The following KCND2 variants were observed in gnomAD, a reference collection of about 807,000 sequenced individuals.
KCND2 encodes the protein potassium voltage-gated channel subfamily D member 2.
In KCND2, 16 loss-of-function variants were observed where a neutral mutation model predicts 54.4. The observed-to-expected ratio is 0.29, with a 90% CI of 0.20 to 0.45. The LOEUF is 0.45. Ranked by LOEUF, KCND2 falls within the 20% of genes least tolerant of loss-of-function variation. The pLI is 1.00. For missense variants in KCND2, 486 were observed against 824.2 expected (o/e 0.59, Z 5.02); for synonymous variants, 317 against 310.7 (o/e 1.02, Z -0.21).
chr7:120,682,176 A>G (rs1354526412), intron 1 of KCND2, among the ~76,000 whole-genome samples: 2 of 152,036 alleles, frequency 1.3e-5, no homozygotes, highest in Non-Finnish European at 2.9e-5. Flanking sequence ...AAGTTAAGGA[A>G]CATAAATATA....
chr7:120,438,526 G>T (rs1305107411), intron 1 of KCND2, among the ~76,000 whole-genome samples: 1 of 152,150 alleles, frequency 6.6e-6, no homozygotes, highest in Non-Finnish European at 1.5e-5. Context: ...ATATGGGATG[G>T]ATAGATAGAT....
intron 2 of KCND2, among the ~76,000 whole-genome samples, chr7:120,738,013 A>G (rs1352077726): frequency 6.6e-6 from 1 of 151,978 alleles, no homozygotes; most frequent in Non-Finnish European, 1.5e-5. Context: ...TCCTTCTCAG[A>G]TTGACTTCCA....
intron 1 of KCND2, among the ~76,000 whole-genome samples, chr7:120,628,742 G>A (rs1793192003): frequency 6.6e-6 from 1 of 152,084 alleles, no homozygotes; most frequent in Non-Finnish European, 1.5e-5. Flanking sequence ...AAGCCCAAGT[G>A]CCCAGTTCCA....
intron 1 of KCND2, among the ~76,000 whole-genome samples, chr7:120,355,134 A>G (rs963340297): frequency 1.3e-5 from 2 of 152,182 alleles, no homozygotes; most frequent in Non-Finnish European, 2.9e-5. Flanking sequence ...CCTCTCCATA[A>G]CCCCATTTTA....
At chr7:120,500,646 TAAC>T (rs1320767832) in intron 1 of KCND2, among the ~76,000 whole-genome samples, 1 of 151,888 alleles carries the variant, frequency 6.6e-6, no homozygotes, top group East Asian at 1.9e-4. Context: ...TAAGCAACAA[TAAC>T]AACAGCAAAA....
chr7:120,733,328 C>A (rs185756756), intron 2 of KCND2, among the ~76,000 whole-genome samples: 1 of 152,164 alleles, frequency 6.6e-6, no homozygotes, highest in African/African-American at 2.4e-5. Context: ...GCAGTCACTC[C>A]AGCAGGAGTA....
intron 1 of KCND2, among the ~76,000 whole-genome samples, chr7:120,708,603 C>T (rs1307259910): frequency 6.6e-6 from 1 of 152,038 alleles, no homozygotes; most frequent in African/African-American, 2.4e-5. Context: ...GTTTCTTGTA[C>T]ACATCATATA....
At chr7:120,741,749 G>T (rs538058281) in intron 3 of KCND2, 120 bp downstream of exon 3, 25 of 774,516 alleles carry the variant, frequency 3.2e-5, no homozygotes, top group Admixed American at 6.1e-5. Context: ...AACAACAAAA[G>T]TGTGTTTGTT....
At chr7:120,647,714 G>T (rs1049383379) in intron 1 of KCND2, among the ~76,000 whole-genome samples, 1 of 152,044 alleles carries the variant, frequency 6.6e-6, no homozygotes, top group African/African-American at 2.4e-5. Flanking sequence ...TTAAATATTT[G>T]CCAAATTAAC....
intron 1 of KCND2, among the ~76,000 whole-genome samples, chr7:120,374,831 C>T (rs1358057506): frequency 6.6e-6 from 1 of 151,840 alleles, no homozygotes; most frequent in Non-Finnish European, 1.5e-5. Flanking sequence ...TTCACCCACG[C>T]TGCTAGATTT....
chr7:120,291,597 A>G (rs1022192262), intron 1 of KCND2, among the ~76,000 whole-genome samples: 4 of 151,902 alleles, frequency 2.6e-5, no homozygotes, highest in Non-Finnish European at 5.9e-5. Context: ...TGCTGTTTCT[A>G]TGTGCTATAG....
intron 1 of KCND2, among the ~76,000 whole-genome samples, chr7:120,355,807 C>T (rs926634298): frequency 2.6e-5 from 4 of 152,138 alleles, no homozygotes; most frequent in African/African-American, 9.7e-5. Flanking sequence ...GAAATTCATG[C>T]AACAGAAACC....
chr7:120,365,201 A>AGAAG (rs1415769525), intron 1 of KCND2, among the ~76,000 whole-genome samples: 1 of 126,974 alleles, frequency 7.9e-6, no homozygotes, highest in Non-Finnish European at 1.6e-5. Context: ...AAGGGAGGAA[A>AGAAG]GAAGGAAGGA....
chr7:120,609,799 C>T (rs1213718349), intron 1 of KCND2, among the ~76,000 whole-genome samples: 1 of 152,124 alleles, frequency 6.6e-6, no homozygotes, highest in African/African-American at 2.4e-5. Context: ...AATTTCAGTA[C>T]AGCTACAGCT....
intron 1 of KCND2, among the ~76,000 whole-genome samples, chr7:120,375,374 C>T (rs558582605): frequency 1.3e-5 from 2 of 151,910 alleles, no homozygotes; most frequent in African/African-American, 4.8e-5. Flanking sequence ...AATTTAGACT[C>T]CTTTCAGTCT....
intron 2 of KCND2, among the ~76,000 whole-genome samples, chr7:120,736,711 T>G (rs1034650941): frequency 1.4e-5 from 2 of 141,974 alleles, no homozygotes; most frequent in African/African-American, 5.7e-5. Context: ...TTATATCTGT[T>G]TTTTTTGTAA....
At chr7:120,489,728 A>C (rs1261683332) in intron 1 of KCND2, among the ~76,000 whole-genome samples, 1 of 152,192 alleles carries the variant, frequency 6.6e-6, no homozygotes, top group Non-Finnish European at 1.5e-5. Context: ...AGTTAAAGAA[A>C]ACACTTGACT....
At chr7:120,550,175 C>CT (rs901243174) in intron 1 of KCND2, among the ~76,000 whole-genome samples, 23 of 151,566 alleles carry the variant, frequency 1.5e-4, no homozygotes, top group South Asian at 6.3e-4. Context: ...GCTCTAGTGC[C>CT]TTTTTTTTGG....
chr7:120,700,461 T>A (rs1013391886), intron 1 of KCND2, among the ~76,000 whole-genome samples: 2 of 152,210 alleles, frequency 1.3e-5, no homozygotes, highest in Non-Finnish European at 2.9e-5. Flanking sequence ...TTTGTGGACG[T>A]CACATAAGGC....
Sources: gnomAD v4.1 joint callset for allele counts (sites outside exome capture counted in the v4.1 genomes callset) on GRCh38, gnomAD v4.1.1 for gene constraint, MANE v1.5 for transcripts, NCBI Gene and HGNC (gene_info 2026-07-23, HGNC 2026-07-21) for gene names.